Variants in RGS22 observed in about 807,000 individuals in gnomAD.
RGS22 encodes the protein regulator of G-protein signaling 22.
In RGS22, 148 loss-of-function variants were observed where a neutral mutation model predicts 172.9. The ratio of observed to expected loss-of-function variants is 0.86; its 90% CI spans 0.75 to 0.98. The LOEUF is 0.98. RGS22 is among the 50% of genes least tolerant of loss of function. RGS22 has a pLI of 0.00. For synonymous variants in RGS22, 458 were observed against 480.2 expected (o/e 0.95, Z 0.60); for missense variants, 1,347 against 1,440.8 (o/e 0.93, Z 1.05).
rs1348555070 is a variant in RGS22, at chr8:99,963,701, AT to A, written c.3616-724del. On this transcript the variant is annotated intron_variant, in intron 24 of 27. Transcript: ENST00000360863. ...TTCTGCTATAGTATACTTAGGTAAT[AT>A]ATGTAATCTAGAGATGATTCGAAGT... Among the ~76,000 whole-genome samples the A allele has an allele frequency of 3.3e-5, 5 of 152,322 alleles. No individual in the cohort carries two copies. The East Asian group carries it at 9.6e-4, about 29-fold the overall frequency.
intron 23 of RGS22, among the ~76,000 whole-genome samples, chr8:99,970,654 A>T (rs1335435912): frequency 6.6e-6 from 1 of 152,208 alleles, no homozygotes; most frequent in Non-Finnish European, 1.5e-5. Context: ...TCATGGACAC[A>T]TACACCCTCC....
intron 14 of RGS22, among the ~76,000 whole-genome samples, chr8:100,018,487 G>C (rs1027424039): frequency 6.6e-6 from 1 of 152,070 alleles, no homozygotes; most frequent in Admixed American, 6.6e-5. Context: ...TTTGATTAAT[G>C]TTTTGCTTTC....
At chr8:100,045,626 C>G (rs1234396106) in intron 11 of RGS22, among the ~76,000 whole-genome samples, 1 of 151,662 alleles carries the variant, frequency 6.6e-6, no homozygotes, top group South Asian at 2.1e-4. Flanking sequence ...TGTTATAACT[C>G]CTATGAAAGA....
chr8:100,001,197 A>ATT (rs1258558160), intron 18 of RGS22, among the ~76,000 whole-genome samples: 4 of 48,702 alleles, frequency 8.2e-5, no homozygotes, highest in African/African-American at 4.4e-4. Flanking sequence ...CTGAATCCCA[A>ATT]TTTTTTATAT....
At chr8:100,029,965 TATATGAACTGAAA>T (rs1447857946) in intron 14 of RGS22, among the ~76,000 whole-genome samples, 11 of 152,148 alleles carry the variant, frequency 7.2e-5, no homozygotes, top group African/African-American at 2.4e-4. Flanking sequence ...ATCTGAAGAA[TATATGAACTGAAA>T]AACAGTACAA....
intron 3 of RGS22, among the ~76,000 whole-genome samples, chr8:100,089,846 G>A (rs540436610): frequency 1.3e-5 from 2 of 152,040 alleles, no homozygotes; most frequent in Non-Finnish European, 2.9e-5. Flanking sequence ...TCTGCTGCCA[G>A]TTCTATAGAC....
chr8:100,051,465 A>T (rs1405730001), intron 10 of RGS22, among the ~76,000 whole-genome samples: 24 of 110,150 alleles, frequency 2.2e-4, no homozygotes, highest in Non-Finnish European at 3.8e-4. Context: ...ATTATATATA[A>T]ATATATATTA....
At chr8:99,992,814 T>C (rs906983789) in intron 20 of RGS22, among the ~76,000 whole-genome samples, 8 of 152,196 alleles carry the variant, frequency 5.3e-5, no homozygotes, top group African/African-American at 1.9e-4. Context: ...AGAATATACA[T>C]TCTTCTCAGC....
intron 3 of RGS22, chr8:100,080,669 C>T: frequency 4.4e-6 from 1 of 226,222 alleles, no homozygotes; most frequent in Non-Finnish European, 8.7e-6. Context: ...CTCTACAAAG[C>T]AATGTTATTC....
chr8:100,063,922 T>C lies in RGS22; in HGVS notation c.846A>G (p.Leu282=). 1.2e-6 allele frequency: 2 copies of C among 1,603,702 alleles called. No individual in the cohort carries two copies. Among genetic ancestry groups the C allele is most frequent in the Non-Finnish European group, 1.7e-6 (2 of 1,175,168 alleles). ...EGEEEEVSVS[L]QDTPSQALLR... Reference sequence around the variant, plus strand: ...GAAGAGCTTGAGAAGGAGTGTCTTGTAGAGATACAGACACCTCTTCTTCTT... The same window carrying C: ...GAAGAGCTTGAGAAGGAGTGTCTTGCAGAGATACAGACACCTCTTCTTCTT... The change falls in exon 8 of 28, where the codon CTA becomes CTG. Residue 282 remains leucine, a synonymous_variant. Coordinates refer to ENST00000360863, the MANE Select transcript of RGS22 (RefSeq NM_015668.5).
chr8:100,102,740 T>C (rs556958538), intron 2 of RGS22, among the ~76,000 whole-genome samples: 2 of 152,324 alleles, frequency 1.3e-5, no homozygotes, highest in Non-Finnish European at 2.9e-5. Flanking sequence ...AAGTGGGGTA[T>C]AGTTTGGCTG....
At chr8:100,013,231 C>T (rs985473034) in intron 14 of RGS22, among the ~76,000 whole-genome samples, 15 of 152,100 alleles carry the variant, frequency 9.9e-5, no homozygotes, top group East Asian at 1.9e-4. Context: ...CCTCGTGATC[C>T]GCCCGCCTCG....
chr8:100,083,830 C>CTTTTTTTTTTTTTTTTTTTTTTT (rs59603032), intron 3 of RGS22, among the ~76,000 whole-genome samples: 2 of 126,052 alleles, frequency 1.6e-5, no homozygotes, highest in Non-Finnish European at 3.3e-5. Context: ...AATTTCTTTT[C>CTTTTTTTTTTTTTTTTTTTTTTT]TTTTTTTTTT....
chr8:100,078,334 G>A (rs912918183), intron 4 of RGS22, among the ~76,000 whole-genome samples: 2 of 151,624 alleles, frequency 1.3e-5, no homozygotes, highest in Admixed American at 1.3e-4. Flanking sequence ...AAACTCCTGG[G>A]CTCAAGTGAT....
At chr8:99,976,515 C>T (rs990198867) in intron 23 of RGS22, among the ~76,000 whole-genome samples, 8 of 152,144 alleles carry the variant, frequency 5.3e-5, no homozygotes, top group Admixed American at 4.6e-4. Flanking sequence ...GCACCTGCCA[C>T]CACGCCCGGC....
intron 14 of RGS22, among the ~76,000 whole-genome samples, chr8:100,022,848 C>T (rs1003943948): frequency 2.0e-5 from 3 of 152,138 alleles, no homozygotes; most frequent in East Asian, 3.9e-4. Flanking sequence ...CAAGCCTAGC[C>T]TCCCGAGTAG....
At chr8:100,026,508 T>C (rs1436304201) in intron 14 of RGS22, among the ~76,000 whole-genome samples, 1 of 152,192 alleles carries the variant, frequency 6.6e-6, no homozygotes, top group African/African-American at 2.4e-5. Flanking sequence ...GGGTAAATAG[T>C]AGAAGTCACC....
intron 11 of RGS22, 135 bp from the exon 12 acceptor site, chr8:100,042,051 G>C: frequency 1.8e-6 from 1 of 563,560 alleles, no homozygotes; most frequent in Non-Finnish European, 3.2e-6. Context: ...GGAAAAAAAG[G>C]ATAAACATCG....
At chr8:100,104,787 G>A (rs992219373) in intron 2 of RGS22, among the ~76,000 whole-genome samples, 1 of 152,176 alleles carries the variant, frequency 6.6e-6, no homozygotes, top group African/African-American at 2.4e-5. Context: ...TAGGAATTAG[G>A]CTCTGACAGC....
Sources: gnomAD v4.1 joint callset for allele counts (sites outside exome capture counted in the v4.1 genomes callset) on GRCh38, gnomAD v4.1.1 for gene constraint, MANE v1.5 for transcripts, NCBI Gene and HGNC (gene_info 2026-07-23, HGNC 2026-07-21) for gene names.